RNF149: variants seen among roughly 807,000 people sequenced by gnomAD.
RNF149 encodes ring finger protein 149, also known as E3 ubiquitin-protein ligase RNF149.
RNF149 carries 21 observed loss-of-function variants against 39.0 expected under a neutral mutation model. The observed-to-expected ratio is 0.54, with a 90% CI of 0.38 to 0.77. The LOEUF (loss-of-function observed/expected upper bound fraction) is 0.77, where lower values mean the gene tolerates loss of function less well. RNF149 is among the 30% of genes least tolerant of loss of function. RNF149 has a pLI of 0.00. For synonymous variants in RNF149, 209 were observed against 213.6 expected, an observed-to-expected ratio of 0.98 and a Z score of 0.19; for missense variants, 493 against 534.9, an observed-to-expected ratio of 0.92 and a Z score of 0.77.
At chr2:101,299,513 A>G (rs1683370292) in intron 1 of RNF149, among the ~76,000 whole-genome samples, 1 of 152,240 alleles carries the variant, frequency 6.6e-6, no homozygotes, top group Non-Finnish European at 1.5e-5. Context: ...TATAGAAAGA[A>G]TTATGATGGT....
At position 101,279,816 on chromosome 2, in the gene RNF149, C is replaced by T. The variant is rs1280580166; in HGVS notation, c.1159+2043G>A. On this transcript the variant is annotated intron_variant, in intron 6 of 6. Transcript: ENST00000295317. The stretch of plus-strand genomic sequence containing the variant: ...AGATCCTAAATGTGCTACAAAAAAA[C>T]TGACTTAGTTTCAATCTTACTGCTT... Among the ~76,000 whole-genome samples the T allele has an allele frequency of 3.9e-5, 6 of 152,128 alleles. No individual in the cohort carries two copies. In the East Asian group the frequency reaches 1.2e-3, roughly 29 times the overall value.
intron 1 of RNF149, 154 bp downstream of exon 1, chr2:101,307,975 A>G: frequency 1.0e-6 from 1 of 985,406 alleles, no homozygotes; most frequent in Non-Finnish European, 1.2e-6. Flanking sequence ...AGCCGCACCG[A>G]GCAAACGAGG....
intron 6 of RNF149, among the ~76,000 whole-genome samples, chr2:101,280,231 T>C (rs748883266): frequency 2.0e-5 from 3 of 151,646 alleles, no homozygotes; most frequent in Non-Finnish European, 2.9e-5. Context: ...TGTAGAATAG[T>C]CCAGAAATTT....
At chr2:101,278,225 C>T (rs1002716398) in intron 6 of RNF149, among the ~76,000 whole-genome samples, 3 of 152,066 alleles carry the variant, frequency 2.0e-5, no homozygotes, top group Admixed American at 6.6e-5. Context: ...GGTCACGGCT[C>T]GCTGCATCCT....
chr2:101,279,077 C>T (rs577038626), intron 6 of RNF149, among the ~76,000 whole-genome samples: 15 of 152,198 alleles, frequency 9.9e-5, no homozygotes, highest in Non-Finnish European at 1.2e-4. Flanking sequence ...ATGTCGTTAC[C>T]GTTATAAGGC....
At chr2:101,277,413 G>T in intron 6 of RNF149, 132 bp from the exon 7 acceptor site, 1 of 1,282,372 alleles carries the variant, frequency 7.8e-7, no homozygotes, top group Non-Finnish European at 1.0e-6. Flanking sequence ...TTTTGAGACG[G>T]AGTCTTGTTC....
chr2:101,282,136 T>G, intron 5 of RNF149, 79 bp from the exon 6 acceptor site: 2 of 1,564,274 alleles, frequency 1.3e-6, no homozygotes, highest in Non-Finnish European at 1.7e-6. Context: ...TGGCTCGTAA[T>G]TCACACACAA....
Position 101,294,972 on chromosome 2 carries a change from T to C in RNF149, c.670A>G (p.Ile224Val), listed in dbSNP as rs150885708. 4.3e-6 allele frequency: 7 copies of C among 1,613,642 alleles called. No individual in the cohort carries two copies. Among genetic ancestry groups the C allele is most frequent in the Middle Eastern group, 1.6e-4 (1 of 6,084 alleles). Residue 224 changes from isoleucine (I) to valine (V), a missense_variant, in exon 2 of 7, where the codon ATA (isoleucine) becomes GTA (valine). Transcript: ENST00000295317. The stretch of plus-strand genomic sequence containing the variant: ...GAGCCAGTATATAGGAAACGCTGTA[T>C]ATAGTAAAATATTAGCCAGGCTAAC... ...ISLAWLIFYY[I>V]QRFLYTGSQI...
chr2:101,275,433 T>C (rs950955236), downstream of RNF149, among the ~76,000 whole-genome samples: 26 of 33,824 alleles, frequency 7.7e-4, no homozygotes, highest in African/African-American at 2.6e-3. Context: ...TAGTATTTCT[T>C]TTTTTTTTTT....
At chr2:101,298,764 G>A (rs1683338295) in intron 1 of RNF149, among the ~76,000 whole-genome samples, 1 of 152,218 alleles carries the variant, frequency 6.6e-6, no homozygotes, top group African/African-American at 2.4e-5. Context: ...GACCATGACT[G>A]TTTCTGGGGA....
At chr2:101,299,111 G>A (rs551168173) in intron 1 of RNF149, among the ~76,000 whole-genome samples, 79 of 152,234 alleles carry the variant, frequency 5.2e-4, no homozygotes, top group African/African-American at 1.5e-3. Context: ...AGCCAAAATC[G>A]CGCCACTGCA....
At chr2:101,285,145 G>A (rs528781326) in intron 5 of RNF149, among the ~76,000 whole-genome samples, 3 of 152,090 alleles carry the variant, frequency 2.0e-5, no homozygotes, top group South Asian at 2.1e-4. Flanking sequence ...TGATCCGCCC[G>A]CCTCAGCCTC....
intron 6 of RNF149, among the ~76,000 whole-genome samples, chr2:101,280,241 T>G (rs1682528981): frequency 6.6e-6 from 1 of 151,816 alleles, no homozygotes; most frequent in African/African-American, 2.4e-5. Context: ...TCCAGAAATT[T>G]TTTAAAAGAA....
intron 1 of RNF149, among the ~76,000 whole-genome samples, chr2:101,303,516 T>G (rs180830296): frequency 6.6e-6 from 1 of 152,154 alleles, no homozygotes; most frequent in East Asian, 1.9e-4. Context: ...TATCCATTCA[T>G]AAAAGACTAT....
chr2:101,282,138 C>A, intron 5 of RNF149, 81 bp from the exon 6 acceptor site: 1 of 1,559,428 alleles, frequency 6.4e-7, no homozygotes. Flanking sequence ...GCTCGTAATT[C>A]ACACACAATA....
chr2:101,283,314 G>A (rs1682664137), intron 5 of RNF149, among the ~76,000 whole-genome samples: 1 of 152,148 alleles, frequency 6.6e-6, no homozygotes, highest in African/African-American at 2.4e-5. Context: ...GAGGGGAGGG[G>A]CTGTGTCTTA....
chr2:101,292,966 T>C (rs1452445461), intron 3 of RNF149, among the ~76,000 whole-genome samples: 2 of 145,966 alleles, frequency 1.4e-5, no homozygotes, highest in East Asian at 4.1e-4. Flanking sequence ...AGCCATGAGA[T>C]GTGATCTTTT....
At chr2:101,303,281 AT>A (rs57224969) in intron 1 of RNF149, among the ~76,000 whole-genome samples, 73,006 of 134,886 alleles carry the variant, frequency 0.54, 19,404 homozygotes, top group African/African-American at 0.69. Context: ...ACGTTGGCTC[AT>A]TTTTTTTTTT....
downstream of RNF149, among the ~76,000 whole-genome samples, chr2:101,274,631 A>C (rs1682261344): frequency 6.6e-6 from 1 of 152,216 alleles, no homozygotes; most frequent in African/African-American, 2.4e-5. Context: ...CATCGACAGC[A>C]ATGTGGAAAA....
Sources: allele counts gnomAD v4.1 joint callset (sites outside exome capture counted in the v4.1 genomes callset), GRCh38; gene constraint gnomAD v4.1.1; transcripts MANE v1.5; gene names NCBI Gene and HGNC (gene_info 2026-07-23, HGNC 2026-07-21).